NDUFAF6: variants seen among roughly 807,000 people sequenced by gnomAD.
The protein encoded by NDUFAF6 is NADH dehydrogenase (ubiquinone) complex I, assembly factor 6.
In NDUFAF6, 45 loss-of-function variants were observed where a neutral mutation model predicts 40.8. The ratio of observed to expected loss-of-function variants is 1.10; its 90% CI spans 0.87 to 1.42. NDUFAF6 has a LOEUF of 1.42. Among genes scored for constraint, NDUFAF6 ranks in the 40% most tolerant of loss-of-function variants. The pLI is 0.00. For missense variants in NDUFAF6, 435 were observed against 418.5 expected, an observed-to-expected ratio of 1.04 and a Z score of -0.34; for synonymous variants, 185 against 155.9, an observed-to-expected ratio of 1.19 and a Z score of -1.39.
At chr8:95,023,142 T>C (rs554627671), upstream of NDUFAF6, 4 of 152,352 alleles carry the variant, frequency 2.6e-5, no homozygotes, top group South Asian at 2.1e-4. Flanking sequence ...ATATGTAGTA[T>C]ATTGAATTTT....
At chr8:95,035,289 TTC>T (rs1378532884) in intron 2 of NDUFAF6, among the ~76,000 whole-genome samples, 163 bp from the exon 3 acceptor site, 3 of 152,222 alleles carry the variant, frequency 2.0e-5, no homozygotes, top group Non-Finnish European at 4.4e-5. Flanking sequence ...TGCAGTAAAA[TTC>T]TCTCTTTGTT....
At chr8:94,933,165 G>A (rs564659045) in intron 1 of NDUFAF6, among the ~76,000 whole-genome samples, 512 of 152,288 alleles carry the variant, frequency 3.4e-3, no homozygotes, top group Non-Finnish European at 5.8e-3. Context: ...GCAGTGAGCC[G>A]AGATTGCGCC....
chr8:95,037,475 A>C (rs1829636987), intron 3 of NDUFAF6, among the ~76,000 whole-genome samples: 1 of 152,236 alleles, frequency 6.6e-6, no homozygotes, highest in Non-Finnish European at 1.5e-5. Flanking sequence ...TGTGTAAAAT[A>C]AAACAAGAGC....
intron 4 of NDUFAF6, among the ~76,000 whole-genome samples, chr8:95,109,054 T>A (rs1214425660): frequency 6.6e-6 from 1 of 152,230 alleles, no homozygotes; most frequent in Non-Finnish European, 1.5e-5. Context: ...AATTTTGTGA[T>A]GTTTGGGTGG....
At chr8:95,043,246 G>A (rs144221499) in intron 4 of NDUFAF6, among the ~76,000 whole-genome samples, 6,167 of 150,774 alleles carry the variant, frequency 0.041, 182 homozygotes, top group Non-Finnish European at 0.058. Context: ...CACCACACTC[G>A]GCTAATTTTT....
chr8:94,985,476 TATATATA>T (rs1563770444), intron 2 of NDUFAF6, among the ~76,000 whole-genome samples: 55 of 1,634 alleles, frequency 0.034, no homozygotes, highest in East Asian at 0.21. Context: ...ATTATATATA[TATATATA>T]TATATATATA....
chr8:94,945,637 G>A (rs1384239531), intron 2 of NDUFAF6: 6 of 152,184 alleles, frequency 3.9e-5, no homozygotes, highest in Admixed American at 3.3e-4. Context: ...GAAAAGTAGA[G>A]CTTTAGACTC....
At position 95,007,306 on chromosome 8, in the gene NDUFAF6, C is replaced by CAAA. The variant is rs11369422; in HGVS notation, c.-83-24679_-83-24677dup. Among the ~76,000 whole-genome samples, 583 of 149,438 alleles carry CAAA rather than the reference C, an allele frequency of 3.9e-3. 3 individuals are homozygous for CAAA. The highest frequency in any genetic ancestry group is 0.012 in the African/African-American group (488 of 40,840). On this transcript the variant is annotated intron_variant, in intron 2 of 9. Transcript: ENST00000396111. ...TTTAACAAACTAATGCCTGTAATAC[C>CAAA]AAAAAAAAAAAATTACAGCACAATA...
chr8:94,937,458 C>T (rs2131350764), intron 1 of NDUFAF6, among the ~76,000 whole-genome samples: 1 of 150,842 alleles, frequency 6.6e-6, no homozygotes, highest in African/African-American at 2.4e-5. Context: ...AAAAAAAACC[C>T]AAAAACAAAA....
chr8:94,937,604 A>G (rs778209849), intron 1 of NDUFAF6, among the ~76,000 whole-genome samples: 6 of 152,190 alleles, frequency 3.9e-5, no homozygotes, highest in Middle Eastern at 3.2e-3. Context: ...GTATGCTAGT[A>G]TAATGACTTT....
chr8:94,926,000 C>G (rs1266784752), intron 1 of NDUFAF6: 1 of 152,578 alleles, frequency 6.6e-6, no homozygotes, highest in Non-Finnish European at 1.5e-5. Flanking sequence ...TATTTACTGA[C>G]AGATTGAAAA....
chr8:95,112,927 C>T (rs1168496326), intron 4 of NDUFAF6, among the ~76,000 whole-genome samples: 1 of 152,232 alleles, frequency 6.6e-6, no homozygotes, highest in Non-Finnish European at 1.5e-5. Context: ...GGAGCAAAGT[C>T]CAGATGGCCC....
At chr8:94,940,279 G>T in intron 1 of NDUFAF6, 2 of 1,523,162 alleles carry the variant, frequency 1.3e-6, no homozygotes, top group South Asian at 2.6e-5. Context: ...ACAGGAGGAT[G>T]ATTATCACAT....
intron 4 of NDUFAF6, among the ~76,000 whole-genome samples, chr8:95,109,801 G>A (rs1809945947): frequency 6.6e-6 from 1 of 152,112 alleles, no homozygotes; most frequent in African/African-American, 2.4e-5. Context: ...TGCTGATAAG[G>A]AAACTGAAAT....
chr8:95,056,212 G>A (rs1832114600), intron 8 of NDUFAF6, among the ~76,000 whole-genome samples: 1 of 150,228 alleles, frequency 6.7e-6, no homozygotes, highest in African/African-American at 2.4e-5. Flanking sequence ...TCTTTTTTTC[G>A]ATCAAAGAAT....
intron 1 of NDUFAF6, among the ~76,000 whole-genome samples, chr8:94,966,243 G>A (rs1400676583): frequency 6.6e-6 from 1 of 152,124 alleles, no homozygotes; most frequent in Admixed American, 6.6e-5. Flanking sequence ...ACGGACCCTG[G>A]GGACTTCACA....
chr8:94,940,237 A>C, intron 1 of NDUFAF6: 1 of 1,588,640 alleles, frequency 6.3e-7, no homozygotes, highest in Non-Finnish European at 8.6e-7. Flanking sequence ...CGTAGTCCAC[A>C]TTGCAGTCCA....
chr8:94,979,828 C>T (rs546063727), intron 1 of NDUFAF6, among the ~76,000 whole-genome samples: 184 of 152,342 alleles, frequency 1.2e-3, no homozygotes, highest in African/African-American at 4.1e-3. Context: ...GGCACCATGG[C>T]TTACGCCTGT....
At chr8:95,110,586 G>A (rs1809972212) in intron 4 of NDUFAF6, among the ~76,000 whole-genome samples, 1 of 152,206 alleles carries the variant, frequency 6.6e-6, no homozygotes, top group Non-Finnish European at 1.5e-5. Flanking sequence ...CAAAGATAAA[G>A]AGAAGTTAAG....
Sources: allele counts gnomAD v4.1 joint callset (sites outside exome capture counted in the v4.1 genomes callset), GRCh38; gene constraint gnomAD v4.1.1; transcripts MANE v1.5; gene names NCBI Gene and HGNC (gene_info 2026-07-23, HGNC 2026-07-21).